SPON2: variants seen among roughly 807,000 people sequenced by gnomAD.
SPON2 encodes spondin-2.
In SPON2, 32 loss-of-function variants were observed where a neutral mutation model predicts 29.9. The ratio of observed to expected loss-of-function variants is 1.07; its 90% CI spans 0.81 to 1.44. The LOEUF is 1.44. Ranked by LOEUF, SPON2 falls within the 40% of genes most tolerant of loss-of-function variation. The pLI is 0.00. For synonymous variants in SPON2, 248 were observed against 209.1 expected (o/e 1.19, Z -1.61); for missense variants, 541 against 455.5 (o/e 1.19, Z -1.71).
chr4:1,174,461 T>C (rs1360190907), upstream of SPON2, among the ~76,000 whole-genome samples: 19 of 133,986 alleles, frequency 1.4e-4, no homozygotes, highest in Admixed American at 1.6e-3. Context: ...CAGTCCAGCC[T>C]GGGCAACAGA....
intron 1 of SPON2, chr4:1,200,765 GC>G: frequency 2.2e-6 from 1 of 455,224 alleles, no homozygotes; most frequent in Non-Finnish European, 4.4e-6. Context: ...GAGGGTGGGT[GC>G]AGCCCCCCAC....
Position 1,170,302 on chromosome 4 carries a change from C to G in SPON2, c.811+100G>C, listed in dbSNP as rs1051747505. ...ATCTTGCAGTACGCACTACGAATCC[C>G]TACTTGGAATTTCTCAGAGCCTTAG... On this transcript the variant is annotated intron_variant, in intron 5 of 5. Coordinates refer to ENST00000290902, the MANE Select transcript of SPON2 (RefSeq NM_012445.4). 4 of 1,192,466 alleles carry G rather than the reference C, an allele frequency of 3.4e-6. No individual in the cohort carries two copies. In the African/African-American group the frequency reaches 6.2e-5, roughly 18 times the overall value. 73.9% of individuals were successfully genotyped at this position (1,192,466 alleles called of 1,614,324 possible). A position where few individuals can be genotyped will look rare whatever the true frequency, so the allele number is the denominator to read the frequency against.
At chr4:1,183,545 A>G (rs534918346) in intron 1 of SPON2, among the ~76,000 whole-genome samples, 1 of 152,366 alleles carries the variant, frequency 6.6e-6, no homozygotes, top group South Asian at 2.1e-4. Context: ...TCAAGAAGCT[A>G]GTATTCTCGT....
At chr4:1,201,883 G>A (rs1172648058) in intron 1 of SPON2, among the ~76,000 whole-genome samples, 4 of 152,120 alleles carry the variant, frequency 2.6e-5, no homozygotes, top group Admixed American at 6.5e-5. Flanking sequence ...TCGCCCAGCC[G>A]GTGCTGCCTT....
intron 1 of SPON2, among the ~76,000 whole-genome samples, chr4:1,191,088 T>C (rs911045409): frequency 6.6e-6 from 1 of 151,946 alleles, no homozygotes; most frequent in African/African-American, 2.4e-5. Flanking sequence ...TTTTCTTTTT[T>C]TTTTTTTGCA....
intron 1 of SPON2, among the ~76,000 whole-genome samples, chr4:1,187,884 T>C (rs897146416): frequency 2.6e-5 from 4 of 152,036 alleles, no homozygotes; most frequent in Non-Finnish European, 4.4e-5. Flanking sequence ...GAAAATGTTT[T>C]CCCCAATTTT....
chr4:1,186,080 T>A (rs1201542693), intron 1 of SPON2, among the ~76,000 whole-genome samples: 1 of 136,332 alleles, frequency 7.3e-6, no homozygotes, highest in Non-Finnish European at 1.7e-5. Flanking sequence ...CCATCTCTAC[T>A]AAAAATACAA....
At chr4:1,206,584 C>T (rs755439659) in intron 1 of SPON2, among the ~76,000 whole-genome samples, 3 of 152,214 alleles carry the variant, frequency 2.0e-5, no homozygotes, top group Non-Finnish European at 4.4e-5. Flanking sequence ...GCAAAAGCAG[C>T]AGCTCCTCAG....
At chr4:1,174,807 C>A (rs965015888), upstream of SPON2, among the ~76,000 whole-genome samples, 1 of 152,206 alleles carries the variant, frequency 6.6e-6, no homozygotes, top group Non-Finnish European at 1.5e-5. Flanking sequence ...ATTCCCATAT[C>A]GGCTCCAGCA....
chr4:1,187,951 C>T (rs1727835584), intron 1 of SPON2, among the ~76,000 whole-genome samples: 1 of 151,844 alleles, frequency 6.6e-6, no homozygotes. Context: ...CCTATAATCC[C>T]AGCACTTTGG....
chr4:1,184,754 G>C (rs1364678961), intron 1 of SPON2, among the ~76,000 whole-genome samples: 1 of 151,936 alleles, frequency 6.6e-6, no homozygotes, highest in Non-Finnish European at 1.5e-5. Flanking sequence ...TCAACATAGT[G>C]AAACCCGTCT....
Position 1,171,888 on chromosome 4 carries a change from G to T in SPON2, c.184C>A (p.Leu62Met), listed in dbSNP as rs965412474. 3 of 1,612,820 alleles carry T rather than the reference G, an allele frequency of 1.9e-6. No individual in the cohort carries two copies. In the African/African-American group the frequency reaches 4.0e-5, roughly 22 times the overall value. Residue 62 changes from leucine to methionine, a missense_variant, in exon 2 of 6, where the codon CTG becomes ATG. Coordinates refer to ENST00000290902, the MANE Select transcript of SPON2 (RefSeq NM_012445.4). Reference sequence around the variant, plus strand: ...GACCACTGCGCAGGGGGGCGGAACAGGGGGTACTGCTTGGGGAAGGCCGTC... The same window carrying T: ...GACCACTGCGCAGGGGGGCGGAACATGGGGTACTGCTTGGGGAAGGCCGTC... ...SQTAFPKQYPLFRPPAQWSSL... is the reference protein window; with the variant it reads ...SQTAFPKQYPMFRPPAQWSSL...
At chr4:1,188,202 C>CAAAAAAA (rs1164276990) in intron 1 of SPON2, among the ~76,000 whole-genome samples, 33 of 36,536 alleles carry the variant, frequency 9.0e-4, no homozygotes, top group Non-Finnish European at 1.2e-3. Flanking sequence ...GACTCCGTCT[C>CAAAAAAA]AAAAAAAAAA....
chr4:1,171,077 G>C lies in SPON2; in HGVS notation c.558C>G (p.Pro186=). ...WREQAALDLY[P]YDAGTDSGFT... is the part of the protein sequence containing the mutation. ...AGCCGCTGTCCGTCCCGGCGTCGTA[G>C]GGGTACAGGTCCAGCGCCGCCTGTT... The change falls in exon 4 of 6, where the codon CCC becomes CCG. Residue 186 remains proline, a synonymous_variant. Transcript: ENST00000290902. 2 of 1,550,184 alleles carry C rather than the reference G, an allele frequency of 1.3e-6. No individual in the cohort carries two copies. Among genetic ancestry groups the C allele is most frequent in the Non-Finnish European group, 1.7e-6 (2 of 1,146,580 alleles).
chr4:1,191,485 CTAAAAG>C (rs1227599726), intron 1 of SPON2, among the ~76,000 whole-genome samples: 2 of 152,124 alleles, frequency 1.3e-5, no homozygotes, highest in African/African-American at 2.4e-5. Flanking sequence ...GATCAAAGAC[CTAAAAG>C]TAAAAGTCGT....
intron 1 of SPON2, 56 bp from the exon 2 acceptor site, chr4:1,172,130 T>G (rs74330138): frequency 6.6e-7 from 1 of 1,520,974 alleles, no homozygotes; most frequent in Admixed American, 1.8e-5. Context: ...AGCCTCGGGG[T>G]GGAAAGCCGA....
At chr4:1,205,446 C>T (rs1038112418) in intron 1 of SPON2, among the ~76,000 whole-genome samples, 5 of 152,206 alleles carry the variant, frequency 3.3e-5, no homozygotes, top group African/African-American at 4.8e-5. Context: ...AGCTGGCATC[C>T]GTGGAGCTGT....
chr4:1,183,112 A>G (rs1054601287), intron 1 of SPON2, among the ~76,000 whole-genome samples: 2 of 152,028 alleles, frequency 1.3e-5, no homozygotes, highest in Admixed American at 1.3e-4. Flanking sequence ...GTGGTGGTGC[A>G]TGCCTGTAAT....
Position 1,167,306 on chromosome 4 carries a change from C to A in SPON2, c.*166G>T. On this transcript the variant is annotated 3_prime_UTR_variant, in exon 6 of 6. Transcript: ENST00000290902. ...GGAGGCTGTTTCCCAATGCCCGTGC[C>A]GGCCACCAGAGGGCCCTTCAGTGCA... The A allele has an allele frequency of 1.5e-6, 1 of 658,722 alleles. No homozygotes were observed. Among genetic ancestry groups the A allele is most frequent in the Non-Finnish European group, 2.4e-6 (1 of 409,206 alleles). The allele number at this position is 658,722 out of a possible 1,614,324, so 40.8% of individuals were successfully genotyped here.
Sources: gnomAD v4.1 joint callset for allele counts (sites outside exome capture counted in the v4.1 genomes callset) on GRCh38, gnomAD v4.1.1 for gene constraint, MANE v1.5 for transcripts, NCBI Gene and HGNC (gene_info 2026-07-23, HGNC 2026-07-21) for gene names.